The following ZCCHC7 variants were observed in gnomAD, a reference collection of about 807,000 sequenced individuals.
ZCCHC7 encodes the protein zinc finger CCHC-type containing 7, also known as zinc finger CCHC domain-containing protein 7.
In ZCCHC7, 35 loss-of-function variants were observed where a neutral mutation model predicts 52.0. The ratio of observed to expected loss-of-function variants is 0.67; its 90% CI spans 0.51 to 0.89. The LOEUF (loss-of-function observed/expected upper bound fraction) is 0.89, where lower values mean the gene tolerates loss of function less well. Ranked by LOEUF, ZCCHC7 falls within the 40% of genes least tolerant of loss-of-function variation. The pLI is 0.00. For missense variants in ZCCHC7, 574 were observed against 649.1 expected, an observed-to-expected ratio of 0.88 and a Z score of 1.26; for synonymous variants, 217 against 221.5, an observed-to-expected ratio of 0.98 and a Z score of 0.18.
At chr9:37,272,836 T>C (rs1164575966) in intron 2 of ZCCHC7, among the ~76,000 whole-genome samples, 2 of 152,240 alleles carry the variant, frequency 1.3e-5, no homozygotes, top group African/African-American at 4.8e-5. Context: ...CTGATATGTG[T>C]AGCTGTAATT....
At chr9:37,161,138 C>G (rs752164507) in intron 2 of ZCCHC7, among the ~76,000 whole-genome samples, 1 of 151,734 alleles carries the variant, frequency 6.6e-6, no homozygotes, top group Non-Finnish European at 1.5e-5. Context: ...TTAGTGGAGA[C>G]AGGGTTTCAT....
intron 2 of ZCCHC7, among the ~76,000 whole-genome samples, chr9:37,175,155 G>A (rs781229685): frequency 1.3e-5 from 2 of 151,332 alleles, no homozygotes; most frequent in Admixed American, 6.6e-5. Flanking sequence ...GTGGTTTATT[G>A]GGTATAGTCA....
chr9:37,352,511 CTTTTTTTTTTT>C (rs869266535), intron 7 of ZCCHC7, among the ~76,000 whole-genome samples: 1 of 81,574 alleles, frequency 1.2e-5, no homozygotes, highest in Non-Finnish European at 2.2e-5. Flanking sequence ...ACAATTTGCT[CTTTTTTTTTTT>C]TTTTTTTTTT....
Position 37,305,687 on chromosome 9 carries a change from A to G in ZCCHC7, c.924A>G (p.Arg308=). ...FRHSWDKQCD[R]CHMLGHYTDA... The stretch of plus-strand genomic sequence containing the variant: ...ATTCCTGGGATAAACAGTGTGACCG[A>G]TGTCATATGCTAGGCCACTATACAG... Residue 308 remains arginine (R), a synonymous_variant, in exon 5 of 9, where the codon CGA becomes CGG. Coordinates refer to ENST00000336755, the MANE Select transcript of ZCCHC7 (RefSeq NM_032226.3). 1 of 1,614,158 alleles carries G rather than the reference A, an allele frequency of 6.2e-7. No homozygotes were observed.
At chr9:37,134,706 T>C (rs1842927363) in intron 2 of ZCCHC7, among the ~76,000 whole-genome samples, 1 of 152,096 alleles carries the variant, frequency 6.6e-6, no homozygotes, top group South Asian at 2.1e-4. Context: ...CCCTTGTTTT[T>C]TGTTGGTTGT....
intron 2 of ZCCHC7, among the ~76,000 whole-genome samples, chr9:37,130,739 G>A (rs900536546): frequency 1.1e-4 from 16 of 151,484 alleles, no homozygotes; most frequent in African/African-American, 3.9e-4. Context: ...CTCGTGATCC[G>A]CCTGCCTCGG....
intron 2 of ZCCHC7, among the ~76,000 whole-genome samples, chr9:37,179,976 T>A (rs1340326473): frequency 6.6e-6 from 1 of 152,210 alleles, no homozygotes; most frequent in Non-Finnish European, 1.5e-5. Context: ...ACACCCCTGC[T>A]GGCATTTTTC....
chr9:37,149,169 A>G (rs1019413765), intron 2 of ZCCHC7, among the ~76,000 whole-genome samples: 3 of 152,206 alleles, frequency 2.0e-5, no homozygotes, highest in Admixed American at 6.5e-5. Flanking sequence ...GCTTAATTTC[A>G]TTAAAGTTAA....
chr9:37,121,083 C>T (rs565347151), intron 1 of ZCCHC7, among the ~76,000 whole-genome samples: 1 of 152,108 alleles, frequency 6.6e-6, no homozygotes, highest in East Asian at 1.9e-4. Context: ...TCCAAAATTT[C>T]GGGAGCTGTG....
intron 2 of ZCCHC7, among the ~76,000 whole-genome samples, chr9:37,169,655 T>G (rs1011871024): frequency 2.6e-5 from 4 of 152,118 alleles, no homozygotes; most frequent in Non-Finnish European, 5.9e-5. Flanking sequence ...TAACATGGGG[T>G]TTTTGTTGTG....
At chr9:37,340,127 G>A in intron 6 of ZCCHC7, among the ~76,000 whole-genome samples, 1 of 152,100 alleles carries the variant, frequency 6.6e-6, no homozygotes, top group East Asian at 1.9e-4. Flanking sequence ...CAGAAAAAAG[G>A]GTTATGTAAA....
intron 2 of ZCCHC7, among the ~76,000 whole-genome samples, chr9:37,128,573 C>T (rs995277275): frequency 6.6e-5 from 10 of 152,126 alleles, no homozygotes; most frequent in African/African-American, 2.2e-4. Flanking sequence ...TCTTACATGA[C>T]TTTGTGTTTT....
At chr9:37,264,528 G>A (rs1186587443) in intron 2 of ZCCHC7, among the ~76,000 whole-genome samples, 2 of 151,910 alleles carry the variant, frequency 1.3e-5, no homozygotes, top group Non-Finnish European at 1.5e-5. Flanking sequence ...ATTGTGTATT[G>A]TGAACACACC....
intron 2 of ZCCHC7, among the ~76,000 whole-genome samples, chr9:37,171,502 C>T (rs1000182566): frequency 1.2e-4 from 19 of 152,172 alleles, no homozygotes; most frequent in Admixed American, 5.9e-4. Flanking sequence ...ACTGCAGCCT[C>T]GAATTCCTGG....
At chr9:37,230,495 A>G (rs977279860) in intron 2 of ZCCHC7, among the ~76,000 whole-genome samples, 1 of 152,212 alleles carries the variant, frequency 6.6e-6, no homozygotes, top group Non-Finnish European at 1.5e-5. Flanking sequence ...TTGGGAAAAA[A>G]TGTGGGATGG....
intron 2 of ZCCHC7, among the ~76,000 whole-genome samples, chr9:37,229,675 G>A (rs1449814727): frequency 1.3e-5 from 2 of 152,140 alleles, no homozygotes; most frequent in Non-Finnish European, 2.9e-5. Flanking sequence ...GTGAGTAAGT[G>A]TTGAGTAAAT....
At chr9:37,132,996 G>T (rs562714697) in intron 2 of ZCCHC7, among the ~76,000 whole-genome samples, 129 of 152,270 alleles carry the variant, frequency 8.5e-4, no homozygotes, top group Non-Finnish European at 1.6e-3. Flanking sequence ...AATTAGCCCA[G>T]TGTGGTGGTG....
At chr9:37,318,838 G>T (rs913505998) in intron 5 of ZCCHC7, among the ~76,000 whole-genome samples, 1 of 150,292 alleles carries the variant, frequency 6.7e-6, no homozygotes, top group Non-Finnish European at 1.5e-5. Flanking sequence ...TGAAGTGGGA[G>T]AATCACAAGT....
At chr9:37,284,079 A>C (rs1320878217) in intron 2 of ZCCHC7, 1 of 152,174 alleles carries the variant, frequency 6.6e-6, no homozygotes, top group Admixed American at 6.5e-5. Context: ...AGAGAGTGAC[A>C]GGCTCTATTT....
Sources: gnomAD v4.1 joint callset for allele counts (sites outside exome capture counted in the v4.1 genomes callset) on GRCh38, gnomAD v4.1.1 for gene constraint, MANE v1.5 for transcripts, NCBI Gene and HGNC (gene_info 2026-07-23, HGNC 2026-07-21) for gene names.